The following LRMDA variants were observed in gnomAD, a reference collection of about 807,000 sequenced individuals.
LRMDA encodes the protein leucine rich melanocyte differentiation associated.
Under a neutral mutation model 29.8 loss-of-function variants are expected in LRMDA, and 18 were observed. That is an observed-to-expected ratio of 0.60 (90% confidence interval 0.42 to 0.90). The LOEUF (loss-of-function observed/expected upper bound fraction) is 0.90, where lower values mean the gene tolerates loss of function less well. Among genes scored for constraint, LRMDA ranks in the 40% least tolerant of loss-of-function variants. LRMDA has a pLI of 0.00. For missense variants in LRMDA, 273 were observed against 273.9 expected (o/e 1.00, Z 0.02); for synonymous variants, 125 against 109.4 (o/e 1.14, Z -0.89).
At chr10:75,792,632 G>A (rs891012743) in intron 2 of LRMDA, among the ~76,000 whole-genome samples, 3 of 152,136 alleles carry the variant, frequency 2.0e-5, no homozygotes, top group Non-Finnish European at 2.9e-5. Context: ...CTGCAGTGGC[G>A]AACAGCAGGG....
chr10:75,441,512 GT>G (rs1430443640), intron 2 of LRMDA, among the ~76,000 whole-genome samples: 2 of 152,216 alleles, frequency 1.3e-5, no homozygotes, highest in Non-Finnish European at 2.9e-5. Context: ...AGGAGATAAG[GT>G]TGAGATAGCA....
chr10:76,439,799 C>A (rs531505767), intron 6 of LRMDA, among the ~76,000 whole-genome samples: 24 of 152,310 alleles, frequency 1.6e-4, no homozygotes, highest in African/African-American at 5.5e-4. Flanking sequence ...TGGGGAATAT[C>A]TTTTGGGGTT....
At chr10:75,868,682 G>A (rs188751399) in intron 2 of LRMDA, among the ~76,000 whole-genome samples, 1 of 152,310 alleles carries the variant, frequency 6.6e-6, no homozygotes, top group African/African-American at 2.4e-5. Context: ...TCTCCCGCTT[G>A]TTTAGCGATT....
At position 75,918,010 on chromosome 10, in the gene LRMDA, C is replaced by T. The variant is rs190953198; in HGVS notation, c.132-117998C>T. On this transcript the variant is annotated intron_variant, in intron 2 of 6. Transcript: ENST00000611255. Reference sequence around the variant, plus strand: ...AGGCCTGGCACTGGCCATGCCCATTCCTGACACCCCCAGAGCTGAAAGCCA... The same window carrying T: ...AGGCCTGGCACTGGCCATGCCCATTTCTGACACCCCCAGAGCTGAAAGCCA... Among the ~76,000 whole-genome samples the T allele has an allele frequency of 4.6e-5, 7 of 152,206 alleles. 1 individual carries two copies. The highest frequency in any genetic ancestry group is 3.9e-4 in the Admixed American group (6 of 15,298).
intron 6 of LRMDA, among the ~76,000 whole-genome samples, chr10:76,440,055 C>T (rs138662686): frequency 1.3e-5 from 2 of 152,278 alleles, no homozygotes; most frequent in Non-Finnish European, 2.9e-5. Flanking sequence ...GAGCTACATT[C>T]CTCAAGCTTA....
intron 2 of LRMDA, among the ~76,000 whole-genome samples, chr10:75,532,737 A>G (rs1366547995): frequency 6.6e-6 from 1 of 152,066 alleles, no homozygotes; most frequent in South Asian, 2.1e-4. Flanking sequence ...CATCACTCAG[A>G]TCCACTTTGT....
intron 2 of LRMDA, among the ~76,000 whole-genome samples, chr10:75,720,543 G>C (rs545950612): frequency 1.3e-5 from 2 of 152,276 alleles, no homozygotes; most frequent in South Asian, 4.1e-4. Context: ...ACTTTTTAGC[G>C]AGCTTAACAG....
intron 2 of LRMDA, among the ~76,000 whole-genome samples, chr10:75,500,901 C>A (rs576460918): frequency 2.4e-4 from 37 of 152,306 alleles, no homozygotes; most frequent in Non-Finnish European, 4.9e-4. Context: ...GACCTAAAGC[C>A]TATCCAAATC....
intron 2 of LRMDA, among the ~76,000 whole-genome samples, chr10:75,743,287 A>C (rs933988011): frequency 5.9e-5 from 9 of 152,130 alleles, no homozygotes; most frequent in African/African-American, 2.2e-4. Flanking sequence ...GTTTGACTCC[A>C]TGTTCAGTTT....
At chr10:75,611,093 G>A (rs1841025655) in intron 2 of LRMDA, among the ~76,000 whole-genome samples, 1 of 152,100 alleles carries the variant, frequency 6.6e-6, no homozygotes, top group African/African-American at 2.4e-5. Flanking sequence ...CAGACAGGGG[G>A]AGCACAGGGT....
rs552912721 is a variant in LRMDA at position 76,011,316 on chromosome 10, C to T, written c.132-24692C>T. 2.0e-3 allele frequency among the ~76,000 whole-genome samples: 309 copies of T among 152,300 alleles called. 4 individuals are homozygous for T. The highest frequency in any genetic ancestry group is 7.0e-3 in the African/African-American group (293 of 41,570). ...AGGAAAGGGGTCTGCTGGCTATAGCCACTGGTGTAGTCCACCCAGAAGAAT... is the reference window on the plus strand; with the variant it reads ...AGGAAAGGGGTCTGCTGGCTATAGCTACTGGTGTAGTCCACCCAGAAGAAT... On this transcript the variant is annotated intron_variant, in intron 2 of 6. Transcript: ENST00000611255.
intron 2 of LRMDA, among the ~76,000 whole-genome samples, chr10:75,661,574 A>C (rs1401262704): frequency 6.6e-6 from 1 of 152,200 alleles, no homozygotes; most frequent in Non-Finnish European, 1.5e-5. Context: ...TGGAGATGTG[A>C]TAAGAGAGTG....
chr10:75,625,835 C>T (rs1386461018), intron 2 of LRMDA, among the ~76,000 whole-genome samples: 2 of 151,716 alleles, frequency 1.3e-5, no homozygotes, highest in African/African-American at 4.8e-5. Flanking sequence ...ACATGGTATA[C>T]TTTTAATTTT....
At position 76,477,727 on chromosome 10, in the gene LRMDA, G is replaced by C. The variant is rs543654875; in HGVS notation, c.602-79482G>C. ...AGATATAGACCAATGGAACAGAACA[G>C]AGCCCTCAGAAATAATACCACACAT... is the stretch of plus-strand genomic sequence containing the variant. On this transcript the variant is annotated intron_variant, in intron 6 of 6. Coordinates refer to ENST00000611255, the MANE Select transcript of LRMDA (RefSeq NM_001305581.2). 7.9e-5 allele frequency among the ~76,000 whole-genome samples: 12 copies of C among 152,164 alleles called. No homozygotes were observed. The South Asian group carries it at 1.2e-3, about 16-fold the overall frequency.
chr10:75,485,392 G>A (rs1340379836), intron 2 of LRMDA, among the ~76,000 whole-genome samples: 2 of 151,746 alleles, frequency 1.3e-5, no homozygotes, highest in Non-Finnish European at 1.5e-5. Flanking sequence ...TTTATTTTTA[G>A]CACTATTTTC....
At chr10:76,138,450 C>G (rs972447916) in intron 5 of LRMDA, among the ~76,000 whole-genome samples, 2 of 152,136 alleles carry the variant, frequency 1.3e-5, no homozygotes. Flanking sequence ...CCTACTCCCC[C>G]CATTTGCTTG....
At chr10:76,112,658 C>T (rs1295690749) in intron 5 of LRMDA, among the ~76,000 whole-genome samples, 5 of 151,394 alleles carry the variant, frequency 3.3e-5, no homozygotes, top group Non-Finnish European at 7.4e-5. Flanking sequence ...GGCTTCTGGG[C>T]CACTAAACCC....
intron 2 of LRMDA, among the ~76,000 whole-genome samples, chr10:75,804,853 G>A (rs550314850): frequency 6.6e-6 from 1 of 152,318 alleles, no homozygotes; most frequent in African/African-American, 2.4e-5. Flanking sequence ...CATTTTCCCT[G>A]TGCATGAGAG....
At chr10:76,463,749 T>G (rs1041145404) in intron 6 of LRMDA, among the ~76,000 whole-genome samples, 2 of 152,012 alleles carry the variant, frequency 1.3e-5, no homozygotes, top group Admixed American at 1.3e-4. Context: ...TTCATAGCCT[T>G]GGTCATAACT....
Sources: allele counts gnomAD v4.1 joint callset (sites outside exome capture counted in the v4.1 genomes callset), GRCh38; gene constraint gnomAD v4.1.1; transcripts MANE v1.5; gene names NCBI Gene and HGNC (gene_info 2026-07-23, HGNC 2026-07-21).